Variants in ASTN2 observed in about 807,000 individuals in gnomAD.
The protein encoded by ASTN2 is astrotactin 2, also known as astrotactin-2.
Under a neutral mutation model 139.8 loss-of-function variants are expected in ASTN2, and 54 were observed. The ratio of observed to expected loss-of-function variants is 0.39; its 90% CI spans 0.31 to 0.48. ASTN2 has a LOEUF of 0.48. Ranked by LOEUF, ASTN2 falls within the 20% of genes least tolerant of loss-of-function variation. ASTN2 has a pLI of 0.95. For missense variants in ASTN2, 1,565 were observed against 1,725.1 expected, an observed-to-expected ratio of 0.91 and a Z score of 1.64; for synonymous variants, 756 against 719.5, an observed-to-expected ratio of 1.05 and a Z score of -0.81.
chr9:116,498,078 G>T (rs1281711650), intron 19 of ASTN2, among the ~76,000 whole-genome samples: 1 of 152,136 alleles, frequency 6.6e-6, no homozygotes, highest in Admixed American at 6.5e-5. Flanking sequence ...ATAGTATCTG[G>T]CAGGGTTGAA....
chr9:117,206,255 C>T (rs1250702078), intron 3 of ASTN2, among the ~76,000 whole-genome samples: 1 of 152,096 alleles, frequency 6.6e-6, no homozygotes, highest in Non-Finnish European at 1.5e-5. Context: ...AAGCACCATC[C>T]CCCTGGCCTG....
chr9:117,058,865 G>A (rs148670758), intron 5 of ASTN2, among the ~76,000 whole-genome samples: 145 of 152,322 alleles, frequency 9.5e-4, no homozygotes, highest in Non-Finnish European at 1.9e-3. Context: ...CCCTGTCCTG[G>A]TGGGAGAAAG....
chr9:116,459,733 T>C (rs1404865381), intron 20 of ASTN2, among the ~76,000 whole-genome samples: 1 of 151,760 alleles, frequency 6.6e-6, no homozygotes, highest in Non-Finnish European at 1.5e-5. Context: ...ATAGCGATAG[T>C]CAAAAAGACA....
intron 1 of ASTN2, among the ~76,000 whole-genome samples, chr9:117,411,796 T>C (rs1156409496): frequency 1.3e-5 from 2 of 152,184 alleles, no homozygotes; most frequent in East Asian, 1.9e-4. Flanking sequence ...CAACTTTGCA[T>C]GCTCAGCTGT....
intron 11 of ASTN2, among the ~76,000 whole-genome samples, chr9:116,835,186 C>A (rs1831945429): frequency 1.3e-5 from 2 of 152,004 alleles, no homozygotes; most frequent in Admixed American, 6.6e-5. Context: ...TTTTTTCTTG[C>A]CCAAATTACT....
rs373803531 is a variant in ASTN2 at position 116,511,288 on chromosome 9, T to C, written c.3356-23788A>G. ...TGTGATTTTTGTCATTGGTTCTGTTTATATGCTGGATTATGTTTATTGATT... is the reference window on the plus strand; with the variant it reads ...TGTGATTTTTGTCATTGGTTCTGTTCATATGCTGGATTATGTTTATTGATT... On this transcript the variant is annotated intron_variant, in intron 19 of 22. Coordinates refer to ENST00000313400, the MANE Select transcript of ASTN2 (RefSeq NM_001365068.1). Among the ~76,000 whole-genome samples the C allele has an allele frequency of 9.8e-5, 15 of 152,354 alleles. No individual in the cohort carries two copies. In the East Asian group the frequency reaches 1.5e-3, roughly 16 times the overall value.
chr9:116,809,778 T>C (rs1386569213), intron 12 of ASTN2, among the ~76,000 whole-genome samples: 2 of 152,210 alleles, frequency 1.3e-5, no homozygotes, highest in African/African-American at 2.4e-5. Context: ...CAAAGACATC[T>C]TGCATTAACC....
At chr9:116,509,961 G>GT (rs1327216540) in intron 19 of ASTN2, among the ~76,000 whole-genome samples, 2 of 152,142 alleles carry the variant, frequency 1.3e-5, no homozygotes, top group African/African-American at 4.8e-5. Flanking sequence ...TAGGTTGTCT[G>GT]TTCACTCTGA....
intron 1 of ASTN2, among the ~76,000 whole-genome samples, chr9:117,299,442 A>G (rs1345357217): frequency 1.3e-5 from 2 of 152,296 alleles, no homozygotes; most frequent in Admixed American, 1.3e-4. Flanking sequence ...TTCTGGCTGG[A>G]TCTAAAAACT....
chr9:117,143,806 AAG>A (rs1240025204), intron 3 of ASTN2, among the ~76,000 whole-genome samples: 8 of 150,056 alleles, frequency 5.3e-5, no homozygotes, highest in African/African-American at 4.9e-5. Context: ...GAGAGAGAGA[AAG>A]AGAGAGAGAA....
intron 7 of ASTN2, among the ~76,000 whole-genome samples, chr9:117,003,354 G>C (rs1251924806): frequency 6.6e-6 from 1 of 152,094 alleles, no homozygotes; most frequent in Non-Finnish European, 1.5e-5. Context: ...ACCTGCTGAG[G>C]TTTCAGAAGC....
intron 2 of ASTN2, among the ~76,000 whole-genome samples, chr9:117,254,075 T>A (rs1189865192): frequency 6.6e-6 from 1 of 152,226 alleles, no homozygotes; most frequent in South Asian, 2.1e-4. Context: ...AACGCCAGCT[T>A]TGCTTTTACT....
chr9:116,920,849 G>A (rs1359324543), intron 10 of ASTN2, among the ~76,000 whole-genome samples: 1 of 152,180 alleles, frequency 6.6e-6, no homozygotes, highest in African/African-American at 2.4e-5. Flanking sequence ...TAGCTAGTAG[G>A]AGCAAAGCCA....
intron 6 of ASTN2, among the ~76,000 whole-genome samples, chr9:117,032,647 T>C (rs115582354): frequency 4.5e-4 from 69 of 152,266 alleles, no homozygotes; most frequent in African/African-American, 1.5e-3. Context: ...ACCTCTTTCC[T>C]CTCTAACAGC....
At chr9:117,363,854 G>A (rs915555767) in intron 1 of ASTN2, among the ~76,000 whole-genome samples, 30 of 152,188 alleles carry the variant, frequency 2.0e-4, no homozygotes, top group East Asian at 5.8e-4. Context: ...CTCAGCCACC[G>A]GCAGACATCT....
intron 17 of ASTN2, among the ~76,000 whole-genome samples, chr9:116,622,044 T>C (rs1856183764): frequency 6.6e-6 from 1 of 152,216 alleles, no homozygotes; most frequent in Admixed American, 6.5e-5. Context: ...CTATTTTTCA[T>C]TTCTTTCATG....
intron 2 of ASTN2, among the ~76,000 whole-genome samples, chr9:117,271,494 C>A (rs1009887721): frequency 2.6e-5 from 4 of 152,160 alleles, no homozygotes; most frequent in African/African-American, 7.2e-5. Flanking sequence ...CCAATCATGC[C>A]TTCCACAGTC....
At chr9:117,342,077 G>C (rs955176027) in intron 1 of ASTN2, among the ~76,000 whole-genome samples, 1 of 152,206 alleles carries the variant, frequency 6.6e-6, no homozygotes, top group Non-Finnish European at 1.5e-5. Flanking sequence ...CATGGTTGAA[G>C]AGATAATATT....
intron 16 of ASTN2, among the ~76,000 whole-genome samples, chr9:116,718,405 G>A (rs150064010): frequency 4.6e-5 from 7 of 152,278 alleles, no homozygotes; most frequent in Admixed American, 1.3e-4. Flanking sequence ...TTATCCTCAC[G>A]GCAGTGACAA....
Sources: allele counts gnomAD v4.1 joint callset (sites outside exome capture counted in the v4.1 genomes callset), GRCh38; gene constraint gnomAD v4.1.1; transcripts MANE v1.5; gene names NCBI Gene and HGNC (gene_info 2026-07-23, HGNC 2026-07-21).